The following VAMP4 variants were observed in gnomAD, a reference collection of about 807,000 sequenced individuals.
The protein encoded by VAMP4 is vesicle associated membrane protein 4.
A neutral mutation model predicts 23.5 loss-of-function variants in VAMP4; 19 were observed. The observed-to-expected ratio is 0.81, with a 90% CI of 0.56 to 1.19. The LOEUF is 1.19. VAMP4 is among the 50% of genes most tolerant of loss of function. The probability of loss-of-function intolerance (pLI) is 0.00; values close to 1 mark genes in which losing one functional copy is unlikely to be tolerated. For missense variants in VAMP4, 145 were observed against 168.6 expected, an observed-to-expected ratio of 0.86 and a Z score of 0.78; for synonymous variants, 31 against 51.0, an observed-to-expected ratio of 0.61 and a Z score of 1.67.
chr1:171,731,148 T>C (rs371479174), intron 2 of VAMP4, among the ~76,000 whole-genome samples: 1 of 146,978 alleles, frequency 6.8e-6, no homozygotes, highest in South Asian at 2.1e-4. Flanking sequence ...CTGTTCTAAG[T>C]ACTAAGCAGC....
rs1266644076 is a variant in VAMP4, at chr1:171,703,746, A to G, written c.*760T>C. 1 of 152,156 alleles carries G rather than the reference A, an allele frequency of 6.6e-6. No individual in the cohort carries two copies. Among genetic ancestry groups the G allele is most frequent in the East Asian group, 1.9e-4 (1 of 5,176 alleles). The allele number at this position is 152,156 out of a possible 1,614,324, so 9.4% of individuals were successfully genotyped here. A position where few individuals can be genotyped will look rare whatever the true frequency, so the allele number is the denominator to read the frequency against. Reference sequence around the variant, plus strand: ...TCTCTCTTTATTGGAGTTTAACAGAAAACAGACTGGACCATGACTGGCAGC... The same window carrying G: ...TCTCTCTTTATTGGAGTTTAACAGAGAACAGACTGGACCATGACTGGCAGC... On this transcript the variant is annotated 3_prime_UTR_variant, in exon 8 of 8. Transcript: ENST00000236192.
At position 171,710,762 on chromosome 1, in the gene VAMP4, T is replaced by C. The variant is rs1337571964; in HGVS notation, c.217A>G (p.Lys73Glu). 1.9e-6 allele frequency: 3 copies of C among 1,610,260 alleles called. No individual in the cohort carries two copies. Among genetic ancestry groups the C allele is most frequent in the Admixed American group, 1.7e-5 (1 of 59,396 alleles). ...VIDVMQENIT[K>E]VIERGERLDE... ...AGTCTCTCCCCTCTCTCAATTACCTTTGTAATATTTTCTTGCATGACATCA... is the reference window on the plus strand; with the variant it reads ...AGTCTCTCCCCTCTCTCAATTACCTCTGTAATATTTTCTTGCATGACATCA... The change falls in exon 5 of 8, where the codon AAG becomes GAG. Residue 73 changes from lysine (K) to glutamate (E), a missense_variant. Transcript: ENST00000236192.
chr1:171,720,963 T>C (rs759624877), intron 3 of VAMP4, among the ~76,000 whole-genome samples: 23 of 152,066 alleles, frequency 1.5e-4, no homozygotes, highest in Admixed American at 1.2e-3. Context: ...GAATAATACA[T>C]GATGACCAAG....
chr1:171,715,322 A>T (rs576388451), intron 4 of VAMP4, among the ~76,000 whole-genome samples: 11 of 152,328 alleles, frequency 7.2e-5, no homozygotes, highest in African/African-American at 2.4e-4. Context: ...CACAATGAGG[A>T]AAAGACATTT....
At chr1:171,714,253 C>T (rs1238856226) in intron 4 of VAMP4, among the ~76,000 whole-genome samples, 5 of 152,192 alleles carry the variant, frequency 3.3e-5, no homozygotes, top group Admixed American at 3.3e-4. Flanking sequence ...TGATAACATA[C>T]TTCCCCATGA....
intron 4 of VAMP4, among the ~76,000 whole-genome samples, chr1:171,714,787 T>C (rs1654976387): frequency 6.6e-6 from 1 of 152,042 alleles, no homozygotes; most frequent in Non-Finnish European, 1.5e-5. Flanking sequence ...AAAAAAGTTA[T>C]TATTATGCTA....
At chr1:171,727,517 C>A (rs1411844118) in intron 3 of VAMP4, among the ~76,000 whole-genome samples, 1 of 152,188 alleles carries the variant, frequency 6.6e-6, no homozygotes, top group African/African-American at 2.4e-5. Flanking sequence ...TCATACAATG[C>A]TGGTGACAAT....
At chr1:171,736,984 T>C (rs935159123) in intron 2 of VAMP4, among the ~76,000 whole-genome samples, 1 of 151,806 alleles carries the variant, frequency 6.6e-6, no homozygotes, top group Non-Finnish European at 1.5e-5. Flanking sequence ...TCTCAAAAAA[T>C]AAAAACAAAC....
intron 4 of VAMP4, 35 bp from the exon 5 acceptor site, chr1:171,710,849 C>A: frequency 6.8e-7 from 1 of 1,472,070 alleles, no homozygotes; most frequent in Non-Finnish European, 9.3e-7. Flanking sequence ...ATTTATCCTT[C>A]TTTTGAGAAT....
chr1:171,729,977 A>C (rs748812710), intron 2 of VAMP4, among the ~76,000 whole-genome samples: 16 of 152,190 alleles, frequency 1.1e-4, no homozygotes, highest in Non-Finnish European at 1.9e-4. Flanking sequence ...AGACAGACAG[A>C]GACAGACAGA....
intron 7 of VAMP4, among the ~76,000 whole-genome samples, chr1:171,704,806 C>A (rs1654596023): frequency 6.6e-6 from 1 of 151,652 alleles, no homozygotes; most frequent in Admixed American, 6.6e-5. Context: ...ATTTTGATAA[C>A]CTGGGATAAT....
At chr1:171,714,632 C>A (rs1397317327) in intron 4 of VAMP4, among the ~76,000 whole-genome samples, 3 of 152,084 alleles carry the variant, frequency 2.0e-5, no homozygotes, top group Non-Finnish European at 4.4e-5. Context: ...ATTAGCCGAG[C>A]ATGGTGGTGT....
Position 171,700,915 on chromosome 1 carries a change from G to A in VAMP4, c.*3591C>T, listed in dbSNP as rs942386462. ...CTGATTTGTTCCAAGAAGCTTCTTGGAATAAAACAGAAGCCAGAATAAATG... is the reference window on the plus strand; with the variant it reads ...CTGATTTGTTCCAAGAAGCTTCTTGAAATAAAACAGAAGCCAGAATAAATG... On this transcript the variant is annotated 3_prime_UTR_variant, in exon 8 of 8. Coordinates refer to ENST00000236192, the MANE Select transcript of VAMP4 (RefSeq NM_003762.5). The A allele has an allele frequency of 1.3e-5, 2 of 151,660 alleles. No homozygotes were observed. The highest frequency in any genetic ancestry group is 4.8e-5 in the African/African-American group (2 of 41,246). The allele number at this position is 151,660 out of a possible 1,614,324, so 9.4% of individuals were successfully genotyped here.
chr1:171,730,377 A>G (rs1655522883), intron 2 of VAMP4, among the ~76,000 whole-genome samples: 1 of 152,238 alleles, frequency 6.6e-6, no homozygotes, highest in South Asian at 2.1e-4. Context: ...TCAAATCTAA[A>G]TAGTTGATGA....
At chr1:171,709,603 C>A in intron 6 of VAMP4, 62 bp downstream of exon 6, 2 of 1,508,984 alleles carry the variant, frequency 1.3e-6, no homozygotes. Context: ...CTTTTTTCTT[C>A]ATGTGTTTGA....
intron 3 of VAMP4, among the ~76,000 whole-genome samples, chr1:171,724,525 C>G (rs1477654982): frequency 6.6e-6 from 1 of 151,884 alleles, no homozygotes; most frequent in Non-Finnish European, 1.5e-5. Flanking sequence ...GAAAAAAATA[C>G]AACATCTGGA....
chr1:171,730,044 A>T lies in VAMP4; in HGVS notation c.67-1474T>A, dbSNP rs1026689118. On this transcript the variant is annotated intron_variant, in intron 2 of 7. Coordinates refer to ENST00000236192, the MANE Select transcript of VAMP4 (RefSeq NM_003762.5). ...GGGGTATGAGCCTAAAAAGGTAAAC[A>T]GCCTCTAGGAGCTAGGAAAAGCAAG... Among the ~76,000 whole-genome samples, 3 of 152,218 alleles carry T rather than the reference A, an allele frequency of 2.0e-5. No individual in the cohort carries two copies. The East Asian group carries it at 5.8e-4, about 29-fold the overall frequency.
chr1:171,731,244 C>T (rs1655555844), intron 2 of VAMP4, among the ~76,000 whole-genome samples: 1 of 151,990 alleles, frequency 6.6e-6, no homozygotes, highest in Non-Finnish European at 1.5e-5. Flanking sequence ...GGAAGGGGAA[C>T]ATCACACACC....
intron 4 of VAMP4, 86 bp from the exon 5 acceptor site, chr1:171,710,900 T>C (rs540146955): frequency 9.7e-6 from 9 of 923,458 alleles, no homozygotes; most frequent in Middle Eastern, 2.5e-4. Context: ...TAATAAAGAA[T>C]AGCAAATTCT....
Sources: gnomAD v4.1 joint callset for allele counts (sites outside exome capture counted in the v4.1 genomes callset) on GRCh38, gnomAD v4.1.1 for gene constraint, MANE v1.5 for transcripts, NCBI Gene and HGNC (gene_info 2026-07-23, HGNC 2026-07-21) for gene names.